Variants in ENPP1 observed in about 807,000 individuals in gnomAD.
ENPP1 encodes ectonucleotide pyrophosphatase/phosphodiesterase family member 1.
Under a neutral mutation model 122.8 loss-of-function variants are expected in ENPP1, and 73 were observed. That is an observed-to-expected ratio of 0.59 (90% CI 0.49 to 0.72). The LOEUF is 0.72. Among genes scored for constraint, ENPP1 ranks in the 30% least tolerant of loss-of-function variants. The probability of loss-of-function intolerance (pLI) is 0.00; values close to 1 mark genes in which losing one functional copy is unlikely to be tolerated. For missense variants in ENPP1, 978 were observed against 1,128.1 expected (o/e 0.87, Z 1.91); for synonymous variants, 367 against 391.6 (o/e 0.94, Z 0.74).
chr6:131,871,452 A>G (rs1782161283), intron 13 of ENPP1, among the ~76,000 whole-genome samples: 1 of 152,192 alleles, frequency 6.6e-6, no homozygotes, highest in East Asian at 1.9e-4. Context: ...ACTATCATTG[A>G]ATATTGAAGT....
chr6:131,868,424 T>C (rs1782116416), intron 12 of ENPP1, among the ~76,000 whole-genome samples: 2 of 152,188 alleles, frequency 1.3e-5, no homozygotes, highest in Admixed American at 1.3e-4. Context: ...GAACTGATTA[T>C]TATAGCTTCA....
intron 13 of ENPP1, 25 bp downstream of exon 13, chr6:131,869,514 T>A (rs1294832852): frequency 6.2e-7 from 1 of 1,608,866 alleles, no homozygotes; most frequent in Non-Finnish European, 8.5e-7. Flanking sequence ...GTGATAACTT[T>A]GAATATGGTC....
chr6:131,813,844 C>T (rs1214372322), intron 1 of ENPP1, among the ~76,000 whole-genome samples: 2 of 152,000 alleles, frequency 1.3e-5, no homozygotes, highest in East Asian at 3.9e-4. Flanking sequence ...CTCAGTTGGT[C>T]GAGGGCTTTG....
chr6:131,858,772 T>C (rs750633818), intron 7 of ENPP1, 25 bp downstream of exon 7: 4 of 1,508,048 alleles, frequency 2.7e-6, no homozygotes, highest in South Asian at 1.1e-5. Context: ...TCAACTTCTA[T>C]CTGTTTGAAG....
chr6:131,834,017 A>G (rs1003124089), intron 1 of ENPP1, among the ~76,000 whole-genome samples: 7 of 152,220 alleles, frequency 4.6e-5, no homozygotes, highest in Non-Finnish European at 2.9e-5. Context: ...CTTATTGATG[A>G]AATGCTTGTG....
intron 11 of ENPP1, among the ~76,000 whole-genome samples, chr6:131,866,007 A>AGAG (rs71545016): frequency 0.15 from 22,621 of 150,386 alleles, 2,342 homozygotes; most frequent in African/African-American, 0.29. Context: ...AAAAAAAAAA[A>AGAG]AGAGAAAAAG....
chr6:131,867,971 C>A (rs770532167), intron 11 of ENPP1, 47 bp from the exon 12 acceptor site: 1 of 1,113,140 alleles, frequency 9.0e-7, no homozygotes, highest in Non-Finnish European at 1.4e-6. Context: ...TATAAATAGC[C>A]ATTAGTGTGG....
intron 13 of ENPP1, among the ~76,000 whole-genome samples, chr6:131,870,418 T>C (rs574371124): frequency 6.6e-6 from 1 of 152,366 alleles, no homozygotes; most frequent in Admixed American, 6.5e-5. Flanking sequence ...CATAACTGTT[T>C]CCACCTCTGT....
rs561587786 is a variant in ENPP1, at chr6:131,854,910, C to A, written c.618-16C>A. 14 of 1,573,736 alleles carry A rather than the reference C, an allele frequency of 8.9e-6. No homozygotes were observed. The South Asian group carries it at 1.4e-4, about 16-fold the overall frequency. On this transcript the variant is annotated splice_polypyrimidine_tract_variant and intron_variant, in intron 5 of 24. Coordinates refer to ENST00000647893, the MANE Select transcript of ENPP1 (RefSeq NM_006208.3). ...TTTGCTTCTTTAAACATTTTTTTTT[C>A]TTTTTCATTACCCAGGTTTGAAACG...
Position 131,877,071 on chromosome 6 carries a change from G to C in ENPP1, c.1803G>C (p.Thr601=). ...ACCTTCTAAAGAATCCTGTTTATAC[G>C]CCAAAGCATCCCAAAGAAGTGCACC... ...LNHLLKNPVY[T]PKHPKEVHPL... is the part of the protein sequence containing the mutation. Residue 601 remains threonine (T), a synonymous_variant, in exon 18 of 25, where the codon ACG becomes ACC. Transcript: ENST00000647893. 2 of 1,613,894 alleles carry C rather than the reference G, an allele frequency of 1.2e-6. No individual in the cohort carries two copies. The highest frequency in any genetic ancestry group is 1.7e-6 in the Non-Finnish European group (2 of 1,179,918).
At chr6:131,874,555 A>G (rs1782203755) in intron 16 of ENPP1, among the ~76,000 whole-genome samples, 4 of 152,268 alleles carry the variant, frequency 2.6e-5, no homozygotes, top group South Asian at 4.1e-4. Flanking sequence ...TGTAGTAAGG[A>G]TGTGGAGAAA....
intron 10 of ENPP1, 137 bp downstream of exon 10, chr6:131,864,708 A>T (rs1334633106): frequency 1.2e-6 from 1 of 812,076 alleles, no homozygotes; most frequent in Non-Finnish European, 2.1e-6. Flanking sequence ...AAATGATCAT[A>T]CCACATTTTG....
At chr6:131,879,103 CT>C (rs1178167249) in intron 19 of ENPP1, among the ~76,000 whole-genome samples, 2 of 152,164 alleles carry the variant, frequency 1.3e-5, no homozygotes, top group African/African-American at 4.8e-5. Context: ...CCTTAAGTTA[CT>C]TGGCACACAT....
chr6:131,856,141 G>C (rs1457527540), intron 6 of ENPP1, among the ~76,000 whole-genome samples: 2 of 152,070 alleles, frequency 1.3e-5, no homozygotes, highest in Non-Finnish European at 2.9e-5. Flanking sequence ...TTGTTTTAAT[G>C]TTTTGCATAA....
intron 1 of ENPP1, among the ~76,000 whole-genome samples, chr6:131,829,431 A>C (rs1421092485): frequency 1.3e-5 from 2 of 152,214 alleles, no homozygotes; most frequent in African/African-American, 4.8e-5. Flanking sequence ...AAGGGATTTG[A>C]GAATTAGAAA....
chr6:131,837,842 T>C (rs1781696085), intron 1 of ENPP1, among the ~76,000 whole-genome samples: 1 of 152,190 alleles, frequency 6.6e-6, no homozygotes, highest in Non-Finnish European at 1.5e-5. Context: ...ATTTAATCTT[T>C]AGTGTCTTCT....
chr6:131,870,707 C>G (rs1335963353), intron 13 of ENPP1, among the ~76,000 whole-genome samples: 1 of 152,138 alleles, frequency 6.6e-6, no homozygotes, highest in Non-Finnish European at 1.5e-5. Context: ...CTGCATATGC[C>G]TAATACCAAG....
At chr6:131,888,494 G>C (rs1459322463) in intron 24 of ENPP1, among the ~76,000 whole-genome samples, 4 of 152,196 alleles carry the variant, frequency 2.6e-5, no homozygotes, top group Non-Finnish European at 5.9e-5. Context: ...AAAATAGTGA[G>C]CTCTTCTCTG....
At chr6:131,820,534 G>A (rs566471819) in intron 1 of ENPP1, 2 of 152,416 alleles carry the variant, frequency 1.3e-5, no homozygotes, top group African/African-American at 2.4e-5. Flanking sequence ...ATATGAATAG[G>A]TGCACTCCCC....
Sources: allele counts gnomAD v4.1 joint callset (sites outside exome capture counted in the v4.1 genomes callset), GRCh38; gene constraint gnomAD v4.1.1; transcripts MANE v1.5; gene names NCBI Gene and HGNC (gene_info 2026-07-23, HGNC 2026-07-21).